Variants in SPATA6L observed in about 807,000 individuals in gnomAD.
SPATA6L encodes spermatogenesis associated 6-like protein.
Under a neutral mutation model 49.2 loss-of-function variants are expected in SPATA6L, and 68 were observed. The observed-to-expected ratio is 1.38, with a 90% CI of 1.14 to 1.69. The LOEUF (loss-of-function observed/expected upper bound fraction) is 1.69, where lower values mean the gene tolerates loss of function less well. Among genes scored for constraint, SPATA6L ranks in the 40% most tolerant of loss-of-function variants. The probability of loss-of-function intolerance (pLI) is 0.00; values close to 1 mark genes in which losing one functional copy is unlikely to be tolerated. For synonymous variants in SPATA6L, 198 were observed against 165.7 expected, an observed-to-expected ratio of 1.19 and a Z score of -1.50; for missense variants, 668 against 464.3, an observed-to-expected ratio of 1.44 and a Z score of -4.03.
chr9:4,662,312 G>T lies in SPATA6L; in HGVS notation c.40-276C>A, dbSNP rs1839994610. The T allele has an allele frequency of 1.4e-6, 2 of 1,438,946 alleles. No homozygotes were observed. The highest frequency in any genetic ancestry group is 1.8e-6 in the Non-Finnish European group (2 of 1,101,992). The allele number at this position is 1,438,946 out of a possible 1,614,324, so 89.1% of individuals were successfully genotyped here. A position where few individuals can be genotyped will look rare whatever the true frequency, so the allele number is the denominator to read the frequency against. On this transcript the variant is annotated intron_variant, in intron 1 of 11. Coordinates refer to ENST00000682582, the MANE Select transcript of SPATA6L (RefSeq NM_001353486.2). The surrounding 1 kb of genome is among the most constrained non-coding windows in gnomAD (Gnocchi z 4.9). ...GGATGGTAGTGCGGAAGCGGAAGAG[G>T]CTGCAGGGCCGGGAAGCCTCTGTTT...
intron 3 of SPATA6L, among the ~76,000 whole-genome samples, chr9:4,649,246 C>T (rs911842902): frequency 1.3e-5 from 2 of 152,180 alleles, no homozygotes; most frequent in Admixed American, 1.3e-4. Context: ...GATACCCTAG[C>T]AGTGGGATTG....
chr9:4,618,175 G>T (rs1034726256), intron 8 of SPATA6L, 65 bp from the exon 9 acceptor site: 3 of 1,427,980 alleles, frequency 2.1e-6, no homozygotes, highest in Non-Finnish European at 2.9e-6. Flanking sequence ...AGAGCTGGGG[G>T]TGGGGGTTGG....
intron 1 of SPATA6L, chr9:4,664,345 A>G (rs1305103485): frequency 6.0e-6 from 1 of 166,988 alleles, no homozygotes; most frequent in Non-Finnish European, 1.5e-5. Flanking sequence ...CCTGTATGCT[A>G]CAGTTTTTCA....
chr9:4,658,545 A>G (rs78735828), intron 2 of SPATA6L, among the ~76,000 whole-genome samples: 5,963 of 152,248 alleles, frequency 0.039, 244 homozygotes, highest in African/African-American at 0.082. Context: ...TTTGACTAGT[A>G]ATCTCAAATG....
rs973410181 is a variant in SPATA6L, at chr9:4,639,676, G to A, written c.227-4277C>T. Among the ~76,000 whole-genome samples, 3 of 152,216 alleles carry A rather than the reference G, an allele frequency of 2.0e-5. No homozygotes were observed. In the East Asian group the frequency reaches 5.8e-4, roughly 29 times the overall value. ...AGGGAAGTATCTGAAAGAACTCAAT[G>A]TTCTTCTTAAGAGCTAATTACACAG... On this transcript the variant is annotated intron_variant, in intron 3 of 11. Transcript: ENST00000682582.
intron 11 of SPATA6L, among the ~76,000 whole-genome samples, chr9:4,603,451 C>A (rs1053277702): frequency 1.3e-5 from 2 of 152,174 alleles, no homozygotes; most frequent in African/African-American, 2.4e-5. Context: ...CAAAAAAAAC[C>A]CTCTTTACTG....
chr9:4,603,153 C>A (rs963107750), intron 11 of SPATA6L, among the ~76,000 whole-genome samples: 1 of 152,122 alleles, frequency 6.6e-6, no homozygotes, highest in East Asian at 1.9e-4. Flanking sequence ...TTACTGCGAC[C>A]GGGCACGGTG....
At chr9:4,660,812 A>G (rs1231473552) in intron 2 of SPATA6L, among the ~76,000 whole-genome samples, 2 of 152,256 alleles carry the variant, frequency 1.3e-5, no homozygotes, top group Non-Finnish European at 2.9e-5. Context: ...CTGGATTAAG[A>G]AAATGTGGCA....
intron 3 of SPATA6L, among the ~76,000 whole-genome samples, chr9:4,636,252 C>T (rs779601369): frequency 3.9e-5 from 6 of 152,102 alleles, no homozygotes; most frequent in Non-Finnish European, 7.3e-5. Context: ...CTAAATGCTT[C>T]ATTATGCTTG....
intron 2 of SPATA6L, among the ~76,000 whole-genome samples, chr9:4,660,723 C>T (rs1352167492): frequency 6.6e-6 from 1 of 152,342 alleles, no homozygotes; most frequent in Non-Finnish European, 1.5e-5. Context: ...TATAAAGACA[C>T]ATGCACACGT....
At chr9:4,650,949 G>A (rs573403021) in intron 3 of SPATA6L, among the ~76,000 whole-genome samples, 1 of 151,808 alleles carries the variant, frequency 6.6e-6, no homozygotes. Flanking sequence ...TGATCTGCTC[G>A]CCTTGGCCTC....
intron 3 of SPATA6L, among the ~76,000 whole-genome samples, chr9:4,648,518 G>A (rs1351601904): frequency 1.3e-5 from 2 of 151,752 alleles, no homozygotes; most frequent in African/African-American, 4.8e-5. Flanking sequence ...GTCTAACTCG[G>A]TGAAACCCCG....
At chr9:4,663,636 A>C (rs2130813318) in intron 1 of SPATA6L, 1 of 210,448 alleles carries the variant, frequency 4.8e-6, no homozygotes, top group South Asian at 1.2e-4. Context: ...TGTAAACTGA[A>C]CTTCGAGAAA....
chr9:4,646,123 T>TACACAC (rs112163366), intron 3 of SPATA6L, among the ~76,000 whole-genome samples: 58,966 of 149,256 alleles, frequency 0.4, 11,532 homozygotes, highest in East Asian at 0.47. Flanking sequence ...CTTAGGGTTT[T>TACACAC]ACACACACAC....
intron 9 of SPATA6L, among the ~76,000 whole-genome samples, chr9:4,610,382 C>T (rs1237259321): frequency 1.4e-5 from 2 of 146,556 alleles, no homozygotes; most frequent in Non-Finnish European, 3.0e-5. Context: ...CATCACACTA[C>T]CTGACTTCAA....
At chr9:4,663,298 A>T (rs749057623) in intron 1 of SPATA6L, 1 of 1,589,618 alleles carries the variant, frequency 6.3e-7, no homozygotes. Flanking sequence ...AGGAAGTCTG[A>T]AGGTTTCCAC....
Position 4,599,401 on chromosome 9 carries a change from C to A in SPATA6L, c.*1410G>T, listed in dbSNP as rs1043608311. Among the ~76,000 whole-genome samples the A allele has an allele frequency of 2.0e-5, 3 of 151,976 alleles. No homozygotes were observed. The highest frequency in any genetic ancestry group is 2.9e-5 in the Non-Finnish European group (2 of 67,976). On this transcript the variant is annotated 3_prime_UTR_variant, in exon 12 of 12. Transcript: ENST00000682582. ...CTGTTTTAATTTTTAATTTCATTTT[C>A]TTAATTTACCTAATGAACCAATCCC... is the stretch of plus-strand genomic sequence containing the variant.
rs577510827 is a variant in SPATA6L at position 4,651,960 on chromosome 9, CATGAAA to C, written c.226+4075_226+4080del. ...GGAGATTCTAGCCAGGGAAATTAGA[CATGAAA>C]ATGAAATAAAATGCGCACAAACTAT... On this transcript the variant is annotated intron_variant, in intron 3 of 11. Transcript: ENST00000682582. 8.7e-3 allele frequency among the ~76,000 whole-genome samples: 1,317 copies of C among 152,208 alleles called. 5 individuals are homozygous for C. The highest frequency in any genetic ancestry group is 0.014 in the Admixed American group (220 of 15,280).
intron 3 of SPATA6L, among the ~76,000 whole-genome samples, chr9:4,654,696 C>T (rs1376861049): frequency 6.6e-6 from 1 of 152,146 alleles, no homozygotes; most frequent in Non-Finnish European, 1.5e-5. Context: ...ACTCGGCAGC[C>T]CCGGCTCTCT....
Sources: allele counts gnomAD v4.1 joint callset (sites outside exome capture counted in the v4.1 genomes callset), GRCh38; gene constraint gnomAD v4.1.1; non-coding constraint Gnocchi (gnomAD v3.1); transcripts MANE v1.5; gene names NCBI Gene and HGNC (gene_info 2026-07-23, HGNC 2026-07-21).